The following ATP13A5 variants were observed in gnomAD, a reference collection of about 807,000 sequenced individuals.
ATP13A5 encodes ATPase 13A5.
Under a neutral mutation model 150.2 loss-of-function variants are expected in ATP13A5, and 149 were observed. The ratio of observed to expected loss-of-function variants is 0.99; its 90% CI spans 0.87 to 1.14. The LOEUF is 1.14. Among genes scored for constraint, ATP13A5 ranks in the 50% most tolerant of loss-of-function variants. The pLI, the probability that ATP13A5 is intolerant of heterozygous loss-of-function variation, is 0.00. For missense variants in ATP13A5, 1,383 were observed against 1,449.3 expected (o/e 0.95, Z 0.74); for synonymous variants, 497 against 522.2 (o/e 0.95, Z 0.66).
intron 2 of ATP13A5, among the ~76,000 whole-genome samples, chr3:193,363,842 G>A (rs956601396): frequency 6.6e-6 from 1 of 152,166 alleles, no homozygotes; most frequent in African/African-American, 2.4e-5. Flanking sequence ...TAATGGCTAA[G>A]AGCACTCCCT....
At chr3:193,319,563 C>G (rs1306789042) in intron 16 of ATP13A5, among the ~76,000 whole-genome samples, 1 of 152,220 alleles carries the variant, frequency 6.6e-6, no homozygotes, top group Non-Finnish European at 1.5e-5. Flanking sequence ...TGGGCAACAC[C>G]TCTATCCTGG....
chr3:193,322,387 TATG>T, intron 15 of ATP13A5, 101 bp downstream of exon 15: 1 of 914,862 alleles, frequency 1.1e-6, no homozygotes, highest in Non-Finnish European at 1.7e-6. Flanking sequence ...TGGAAACTGT[TATG>T]ATAAGGCAAA....
chr3:193,318,751 T>C (rs1354136817), intron 17 of ATP13A5, among the ~76,000 whole-genome samples: 1 of 152,166 alleles, frequency 6.6e-6, no homozygotes, highest in Non-Finnish European at 1.5e-5. Context: ...CACACTGGTA[T>C]CTTGGAGTCA....
intron 6 of ATP13A5, 141 bp downstream of exon 6, chr3:193,353,986 T>A: frequency 3.2e-6 from 2 of 617,792 alleles, no homozygotes; most frequent in Non-Finnish European, 5.3e-6. Flanking sequence ...TAAACCTGAG[T>A]TTAAAATAAG....
intron 14 of ATP13A5, 102 bp downstream of exon 14, chr3:193,324,762 A>G (rs1244520765): frequency 3.8e-6 from 5 of 1,322,822 alleles, no homozygotes; most frequent in Non-Finnish European, 5.3e-6. Flanking sequence ...TACATACATT[A>G]TTATGAACCT....
At position 193,354,208 on chromosome 3, in the gene ATP13A5, T is replaced by G; in HGVS notation, c.537-12A>C. On this transcript the variant is annotated splice_polypyrimidine_tract_variant and intron_variant, in intron 5 of 29. Coordinates refer to ENST00000342358, the MANE Select transcript of ATP13A5 (RefSeq NM_198505.4). The stretch of plus-strand genomic sequence containing the variant: ...CACACACTAATCTTCTGCGGGAAAT[T>G]GATCATCCATTAGTGTCATAGCTAC... 1 of 1,608,840 alleles carries G rather than the reference T, an allele frequency of 6.2e-7. No homozygotes were observed. Among genetic ancestry groups the G allele is most frequent in the Non-Finnish European group, 8.5e-7 (1 of 1,178,322 alleles).
intron 11 of ATP13A5, among the ~76,000 whole-genome samples, 172 bp downstream of exon 11, chr3:193,333,578 A>G (rs941008455): frequency 6.6e-6 from 1 of 152,194 alleles, no homozygotes; most frequent in Non-Finnish European, 1.5e-5. Flanking sequence ...ATATTACCTA[A>G]ACACTGGGGG....
At chr3:193,356,018 C>T (rs1198189583) in intron 5 of ATP13A5, among the ~76,000 whole-genome samples, 1 of 152,172 alleles carries the variant, frequency 6.6e-6, no homozygotes, top group Non-Finnish European at 1.5e-5. Flanking sequence ...CCAACTGGAA[C>T]TAATTTCCTC....
chr3:193,368,392 T>TTGTGTGTGTGTGTGTGTGTGTGTG (rs1286543236), intron 1 of ATP13A5, among the ~76,000 whole-genome samples: 7 of 147,248 alleles, frequency 4.8e-5, no homozygotes, highest in African/African-American at 1.0e-4. Context: ...CTCTTCAGAC[T>TTGTGTGTGTGTGTGTGTGTGTGTG]TGTGTGTGTG....
intron 15 of ATP13A5, among the ~76,000 whole-genome samples, chr3:193,322,162 T>C (rs1044763138): frequency 1.3e-5 from 2 of 152,198 alleles, no homozygotes; most frequent in African/African-American, 4.8e-5. Context: ...TCTTCAGCCT[T>C]GATTATAGCA....
At chr3:193,301,481 A>G (rs1718393750) in intron 23 of ATP13A5, among the ~76,000 whole-genome samples, 174 bp from the exon 24 acceptor site, 2 of 152,114 alleles carry the variant, frequency 1.3e-5, no homozygotes. Context: ...TCCTTCAATC[A>G]TTACCTTACT....
intron 17 of ATP13A5, among the ~76,000 whole-genome samples, chr3:193,316,861 A>G (rs999918493): frequency 6.6e-6 from 1 of 152,186 alleles, no homozygotes; most frequent in Non-Finnish European, 1.5e-5. Context: ...ATCTTATACC[A>G]TACGTAAAAA....
chr3:193,301,410 T>A, intron 23 of ATP13A5, 103 bp from the exon 24 acceptor site: 1 of 760,260 alleles, frequency 1.3e-6, no homozygotes, highest in Non-Finnish European at 2.2e-6. Context: ...CCTGTTGACA[T>A]ACATTCACTT....
At chr3:193,346,344 G>T (rs999895404) in intron 7 of ATP13A5, among the ~76,000 whole-genome samples, 2 of 152,150 alleles carry the variant, frequency 1.3e-5, no homozygotes, top group African/African-American at 2.4e-5. Flanking sequence ...GCCTGGAGAA[G>T]TGGAGAAAGC....
chr3:193,337,866 G>T (rs1411591674), intron 9 of ATP13A5, among the ~76,000 whole-genome samples: 1 of 152,118 alleles, frequency 6.6e-6, no homozygotes, highest in African/African-American at 2.4e-5. Context: ...ATCCATGAGT[G>T]TGGAATGTTC....
intron 11 of ATP13A5, among the ~76,000 whole-genome samples, chr3:193,333,158 AACAC>A (rs1198722710): frequency 7.0e-6 from 1 of 143,650 alleles, no homozygotes; most frequent in Non-Finnish European, 1.5e-5. Context: ...CACACACACA[AACAC>A]ACACACACAA....
At chr3:193,314,895 A>G (rs1718989492) in intron 18 of ATP13A5, 77 bp downstream of exon 18, 2 of 1,546,846 alleles carry the variant, frequency 1.3e-6, no homozygotes, top group Non-Finnish European at 1.8e-6. Flanking sequence ...TGATACATGA[A>G]CTCACTCAGC....
chr3:193,327,961 T>C lies in ATP13A5; in HGVS notation c.1462-904A>G, dbSNP rs562450650. ...TCTCTGACACTACTTTTCAAGCCTA[T>C]CTCTATAGAAGTCACTGAATTTTCT... On this transcript the variant is annotated intron_variant, in intron 12 of 29. Coordinates refer to ENST00000342358, the MANE Select transcript of ATP13A5 (RefSeq NM_198505.4). Among the ~76,000 whole-genome samples the C allele has an allele frequency of 1.4e-3, 210 of 152,330 alleles. 2 individuals are homozygous for C. Among genetic ancestry groups the C allele is most frequent in the Admixed American group, 2.9e-3 (45 of 15,308 alleles).
chr3:193,299,052 A>C, intron 25 of ATP13A5, 79 bp downstream of exon 25: 1 of 1,252,216 alleles, frequency 8.0e-7, no homozygotes, highest in Non-Finnish European at 1.1e-6. Context: ...TCTTTCTCAA[A>C]AGTTCCTTTT....
Sources: allele counts gnomAD v4.1 joint callset (sites outside exome capture counted in the v4.1 genomes callset), GRCh38; gene constraint gnomAD v4.1.1; transcripts MANE v1.5; gene names NCBI Gene and HGNC (gene_info 2026-07-23, HGNC 2026-07-21).